The following HS6ST2 variants were observed in gnomAD, a reference collection of about 807,000 sequenced individuals.
HS6ST2 encodes the protein heparan-sulfate 6-O-sulfotransferase 2.
In HS6ST2, 17 loss-of-function variants were observed where a neutral mutation model predicts 33.0. That is an observed-to-expected ratio of 0.52 (90% CI 0.35 to 0.77). HS6ST2 has a LOEUF of 0.77. Ranked by LOEUF, HS6ST2 falls within the 30% of genes least tolerant of loss-of-function variation. HS6ST2 has a pLI of 0.01. For missense variants in HS6ST2, 519 were observed against 551.7 expected (o/e 0.94, Z 0.59); for synonymous variants, 248 against 237.1 (o/e 1.05, Z -0.42).
intron 2 of HS6ST2, among the ~76,000 whole-genome samples, chrX:132,916,746 C>T (rs1212789065): frequency 1.8e-5 from 2 of 111,794 alleles, no homozygotes; most frequent in Non-Finnish European, 3.8e-5. Context: ...AGTGGTTTAC[C>T]AAGGGCTCTC....
At chrX:132,751,396 C>A (rs892323115) in intron 2 of HS6ST2, among the ~76,000 whole-genome samples, 1 of 111,958 alleles carries the variant, frequency 8.9e-6, no homozygotes, top group Non-Finnish European at 1.9e-5. Context: ...AACTAAACTC[C>A]ATCAGCACAT....
chrX:132,673,563 T>C (rs764445614), intron 3 of HS6ST2, among the ~76,000 whole-genome samples: 1 of 112,559 alleles, frequency 8.9e-6, no homozygotes, highest in South Asian at 3.8e-4. Context: ...TTCCAATGTG[T>C]GTTCTTGTAA....
upstream of HS6ST2, among the ~76,000 whole-genome samples, chrX:132,959,141 C>G: frequency 9.0e-6 from 1 of 111,651 alleles, no homozygotes; most frequent in African/African-American, 3.3e-5. Context: ...CAAGGTCACA[C>G]AGCAGAGCCC....
At chrX:132,900,492 G>C (rs1337965661) in intron 2 of HS6ST2, among the ~76,000 whole-genome samples, 1 of 110,895 alleles carries the variant, frequency 9.0e-6, no homozygotes, top group East Asian at 2.8e-4. Flanking sequence ...GAAGTGGGAG[G>C]ACTGCTTGAG....
At chrX:132,804,020 G>C (rs1174293108) in intron 2 of HS6ST2, among the ~76,000 whole-genome samples, 1 of 111,540 alleles carries the variant, frequency 9.0e-6, no homozygotes, top group African/African-American at 3.3e-5. Flanking sequence ...AAAACTCCAG[G>C]CTGTTATTTT....
intron 2 of HS6ST2, among the ~76,000 whole-genome samples, chrX:132,768,139 C>T (rs1239856983): frequency 9.1e-6 from 1 of 110,037 alleles, no homozygotes; most frequent in Non-Finnish European, 1.9e-5. Context: ...GAGTTTGAGA[C>T]CAGCCTGGCC....
At chrX:132,642,453 G>A (rs1475142991) in intron 4 of HS6ST2, among the ~76,000 whole-genome samples, 1 of 111,278 alleles carries the variant, frequency 9.0e-6, no homozygotes, top group Non-Finnish European at 1.9e-5. Flanking sequence ...CTGGGGGGGT[G>A]TGGGGGAACA....
intron 2 of HS6ST2, among the ~76,000 whole-genome samples, chrX:132,956,193 C>T (rs905801258): frequency 1.8e-5 from 2 of 110,682 alleles, no homozygotes; most frequent in African/African-American, 3.3e-5. Flanking sequence ...GATAAAAGTC[C>T]GGCAAGAAGA....
intron 2 of HS6ST2, among the ~76,000 whole-genome samples, chrX:132,769,236 C>G (rs926202761): frequency 3.6e-5 from 4 of 112,473 alleles, no homozygotes; most frequent in African/African-American, 1.3e-4. Flanking sequence ...ACAAATTATC[C>G]TGCATTTTAT....
chrX:132,707,983 G>A (rs1288291192), intron 3 of HS6ST2, among the ~76,000 whole-genome samples: 1 of 111,482 alleles, frequency 9.0e-6, no homozygotes, highest in Non-Finnish European at 1.9e-5. Context: ...ATTTACATAC[G>A]TTAAAAGCCC....
At chrX:132,711,262 G>C (rs1175060236) in intron 2 of HS6ST2, among the ~76,000 whole-genome samples, 1 of 111,680 alleles carries the variant, frequency 9.0e-6, no homozygotes, top group Non-Finnish European at 1.9e-5. Context: ...AGGAACCTCA[G>C]ACCATGACAC....
At chrX:132,645,559 C>A (rs1055410210) in intron 4 of HS6ST2, among the ~76,000 whole-genome samples, 2 of 112,223 alleles carry the variant, frequency 1.8e-5, no homozygotes, top group African/African-American at 3.2e-5. Context: ...CACCTCCTTC[C>A]ATTTAACATT....
chrX:132,874,918 C>A (rs996457), intron 2 of HS6ST2, among the ~76,000 whole-genome samples: 2 of 110,053 alleles, frequency 1.8e-5, no homozygotes, highest in Non-Finnish European at 3.8e-5. Context: ...AAGGGGGGGG[C>A]GGCCCATGGC....
intron 2 of HS6ST2, among the ~76,000 whole-genome samples, chrX:132,952,031 A>G (rs1228165813): frequency 8.9e-6 from 1 of 112,157 alleles, no homozygotes; most frequent in Non-Finnish European, 1.9e-5. Flanking sequence ...AAAAAAACGG[A>G]TGGCTATTCT....
At chrX:132,898,708 C>G (rs2066401100) in intron 2 of HS6ST2, among the ~76,000 whole-genome samples, 1 of 110,123 alleles carries the variant, frequency 9.1e-6, no homozygotes, top group Non-Finnish European at 1.9e-5. Context: ...TGCAAACAGC[C>G]CAGTGATTTC....
At chrX:132,776,832 A>G (rs1264211212) in intron 2 of HS6ST2, among the ~76,000 whole-genome samples, 1 of 111,089 alleles carries the variant, frequency 9.0e-6, no homozygotes. Flanking sequence ...TATACCTGCA[A>G]TAATCTTGCC....
rs193092435 is a variant in HS6ST2, at chrX:132,807,108, C to T, written c.948-98614G>A. Among the ~76,000 whole-genome samples the T allele has an allele frequency of 7.5e-4, 83 of 110,119 alleles. 5 individuals are homozygous for T. The highest frequency in any genetic ancestry group is 1.3e-3 in the Non-Finnish European group (67 of 52,132). The stretch of plus-strand genomic sequence containing the variant: ...TAATGGCCGAAATGGCAATTACTTT[C>T]GGACCAACCTAATAGTAGATCCAGG... On this transcript the variant is annotated intron_variant, in intron 2 of 4. Transcript: ENST00000370833.
chrX:132,701,658 G>A (rs1271386242), intron 3 of HS6ST2, among the ~76,000 whole-genome samples: 3 of 111,886 alleles, frequency 2.7e-5, no homozygotes, highest in Non-Finnish European at 5.6e-5. Flanking sequence ...AGGTGTGAGA[G>A]GAGTTAGGGA....
At position 132,789,069 on chromosome X, in the gene HS6ST2, A is replaced by G. The variant is rs2065092898; in HGVS notation, c.948-80575T>C. Among the ~76,000 whole-genome samples, 3 of 112,772 alleles carry G rather than the reference A, an allele frequency of 2.7e-5. No homozygotes were observed. In the South Asian group the frequency reaches 1.1e-3, roughly 41 times the overall value. On this transcript the variant is annotated intron_variant, in intron 2 of 4. Transcript: ENST00000370833. Reference sequence around the variant, plus strand: ...GGTAAGATCATTTATGAAGGTGGCTATGCCAAACAACAGATTTTCAATGTA... The same window carrying G: ...GGTAAGATCATTTATGAAGGTGGCTGTGCCAAACAACAGATTTTCAATGTA...
Sources: gnomAD v4.1 joint callset for allele counts (sites outside exome capture counted in the v4.1 genomes callset) on GRCh38, gnomAD v4.1.1 for gene constraint, MANE v1.5 for transcripts, NCBI Gene and HGNC (gene_info 2026-07-23, HGNC 2026-07-21) for gene names.